Variants in CACNA1C observed in about 807,000 individuals in gnomAD.
CACNA1C encodes the protein calcium voltage-gated channel subunit alpha1 C.
A neutral mutation model predicts 229.0 loss-of-function variants in CACNA1C; 30 were observed. The ratio of observed to expected loss-of-function variants is 0.13; its 90% confidence interval spans 0.10 to 0.18. CACNA1C has a LOEUF of 0.18. Among genes scored for constraint, CACNA1C ranks in the 10% least tolerant of loss-of-function variants. The pLI is 1.00. For synonymous variants in CACNA1C, 1,114 were observed against 1,132.5 expected (o/e 0.98, Z 0.33); for missense variants, 1,658 against 2,845.0 (o/e 0.58, Z 9.49).
At chr12:1,992,774 T>C (rs763977475) in intron 1 of CACNA1C, 13 of 202,366 alleles carry the variant, frequency 6.4e-5, no homozygotes, top group Non-Finnish European at 1.3e-4. Context: ...GAAAGAAACT[T>C]TTTGGACTTT....
At position 2,666,582 on chromosome 12, in the gene CACNA1C, T is replaced by A. The variant is rs2153712689; in HGVS notation, c.4527-104T>A. On this transcript the variant is annotated intron_variant, in intron 36 of 46. Coordinates refer to ENST00000399655, the MANE Select transcript of CACNA1C (RefSeq NM_000719.7). This position sits in a 1 kb window ranked among gnomAD's most constrained non-coding sequence, Gnocchi z 5.3. Reference sequence around the variant, plus strand: ...AATAGGGCTACCACACTGTGCAGTGTTGCCCATATGAGTGGGCCCTACCCC... The same window carrying A: ...AATAGGGCTACCACACTGTGCAGTGATGCCCATATGAGTGGGCCCTACCCC... 3.0e-6 allele frequency: 2 copies of A among 670,872 alleles called. No homozygotes were observed. The highest frequency in any genetic ancestry group is 5.5e-5 in the East Asian group (2 of 36,648). 41.6% of individuals were successfully genotyped at this position (670,872 alleles called of 1,614,324 possible).
At position 2,692,620 on chromosome 12, in the gene CACNA1C, T is replaced by C. The variant is rs1284090851; in HGVS notation, c.*1421T>C. On this transcript the variant is annotated 3_prime_UTR_variant, in exon 47 of 47. Transcript: ENST00000399655. ...GCAAAAACAATGCAATAATATTCATTTAAAAATACAATTGTGAGTTGTGTT... is the reference window on the plus strand; with the variant it reads ...GCAAAAACAATGCAATAATATTCATCTAAAAATACAATTGTGAGTTGTGTT... 6.6e-6 allele frequency: 1 copy of C among 152,644 alleles called. No individual in the cohort carries two copies. Among genetic ancestry groups the C allele is most frequent in the Non-Finnish European group, 1.5e-5 (1 of 68,050 alleles). The allele number at this position is 152,644 out of a possible 1,614,324, so 9.5% of individuals were successfully genotyped here.
chr12:1,984,425 T>A (rs1352922227), intron 1 of CACNA1C, among the ~76,000 whole-genome samples: 1 of 152,098 alleles, frequency 6.6e-6, no homozygotes, highest in African/African-American at 2.4e-5. Context: ...AATATACATA[T>A]CTAACTTTAC....
intron 37 of CACNA1C, 172 bp from the exon 38 acceptor site, chr12:2,668,761 C>T (rs2096379788): frequency 1.7e-6 from 1 of 605,568 alleles, no homozygotes. Context: ...AGAAATCCAC[C>T]CCATGATGCA....
chr12:2,522,730 G>A (rs1357070666), intron 9 of CACNA1C, among the ~76,000 whole-genome samples: 1 of 152,104 alleles, frequency 6.6e-6, no homozygotes, highest in Non-Finnish European at 1.5e-5. Flanking sequence ...TGGGCTGGGG[G>A]GCAGAGGAAG....
intron 3 of CACNA1C, among the ~76,000 whole-genome samples, chr12:2,280,945 T>C (rs552226788): frequency 6.6e-6 from 1 of 152,380 alleles, no homozygotes; most frequent in East Asian, 1.9e-4. Context: ...TAACAGTTGC[T>C]GTAGGGCTCA....
intron 3 of CACNA1C, among the ~76,000 whole-genome samples, chr12:2,241,032 A>G (rs957768244): frequency 2.0e-5 from 3 of 152,118 alleles, no homozygotes; most frequent in Non-Finnish European, 4.4e-5. Context: ...ATGTTTCTCA[A>G]ATAATGCCAG....
At chr12:2,590,428 G>A (rs1601352684) in intron 18 of CACNA1C, among the ~76,000 whole-genome samples, 1 of 152,196 alleles carries the variant, frequency 6.6e-6, no homozygotes, top group Non-Finnish European at 1.5e-5. Flanking sequence ...GGGAGTAGGA[G>A]GCTAGGTGGT....
chr12:2,376,955 AG>A (rs1339594713), intron 3 of CACNA1C, among the ~76,000 whole-genome samples: 1 of 152,166 alleles, frequency 6.6e-6, no homozygotes, highest in Non-Finnish European at 1.5e-5. Flanking sequence ...GACCATGATC[AG>A]GCCTTTTCTG....
In CACNA1C at chr12:2,605,565, C is replaced by T. The variant is rs2074935925; in HGVS notation, c.3049-114C>T. 1.3e-6 allele frequency: 1 copy of T among 753,332 alleles called. No homozygotes were observed. The highest frequency in any genetic ancestry group is 1.7e-5 in the African/African-American group (1 of 57,670). 46.7% of individuals were successfully genotyped at this position (753,332 alleles called of 1,614,324 possible). A position where few individuals can be genotyped will look rare whatever the true frequency, so the allele number is the denominator to read the frequency against. ...GTGACTTTGGGAGCGTGGCTTTGCC[C>T]CTCTCAGCCCAATTACTCCCCGTTG... is the stretch of plus-strand genomic sequence containing the variant. On this transcript the variant is annotated intron_variant, in intron 23 of 46. Coordinates refer to ENST00000399655, the MANE Select transcript of CACNA1C (RefSeq NM_000719.7). The surrounding 1 kb of genome is among the most constrained non-coding windows in gnomAD (Gnocchi z 6.2).
At chr12:2,432,676 C>T (rs1471162247) in intron 3 of CACNA1C, among the ~76,000 whole-genome samples, 1 of 152,148 alleles carries the variant, frequency 6.6e-6, no homozygotes, top group African/African-American at 2.4e-5. Context: ...GTGCAATCTT[C>T]TTTTTAAAAA....
rs149912989 is a variant in CACNA1C at position 2,669,560 on chromosome 12, G to A, written c.4726+525G>A. Among the ~76,000 whole-genome samples, 603 of 152,312 alleles carry A rather than the reference G, an allele frequency of 4.0e-3. 2 individuals are homozygous for A. Among genetic ancestry groups the A allele is most frequent in the Middle Eastern group, 0.01 (3 of 294 alleles). On this transcript the variant is annotated intron_variant, in intron 38 of 46. Transcript: ENST00000399655. ...TATAGCTCACAAAACAGAAGGAGACGGGTGTTACCTGAAGCAGGACCAACC... is the reference window on the plus strand; with the variant it reads ...TATAGCTCACAAAACAGAAGGAGACAGGTGTTACCTGAAGCAGGACCAACC...
chr12:2,062,087 ACCTTGTTCT>A (rs2154517236), intron 1 of CACNA1C, among the ~76,000 whole-genome samples: 1 of 152,272 alleles, frequency 6.6e-6, no homozygotes, highest in Non-Finnish European at 1.5e-5. Flanking sequence ...ATTTGTTTGC[ACCTTGTTCT>A]ACCCCCAGCT....
rs2073252911 is a variant in CACNA1C, at chr12:2,602,651, TGTGTGTG to T, written c.2960+692_2960+698del. On this transcript the variant is annotated intron_variant, in intron 22 of 46. Coordinates refer to ENST00000399655, the MANE Select transcript of CACNA1C (RefSeq NM_000719.7). The surrounding 1 kb of genome is among the most constrained non-coding windows in gnomAD (Gnocchi z 4.4). ...TGTCTTGTGTGTGTGTGTGTGTGTG[TGTGTGTG>T]TGTGTGTGTGTGAGTTTTTCATTTC... Among the ~76,000 whole-genome samples, 1 of 151,570 alleles carries T rather than the reference TGTGTGTG, an allele frequency of 6.6e-6. No individual in the cohort carries two copies. Among genetic ancestry groups the T allele is most frequent in the Non-Finnish European group, 1.5e-5 (1 of 67,834 alleles).
intron 1 of CACNA1C, among the ~76,000 whole-genome samples, chr12:2,026,999 T>C (rs934269273): frequency 1.3e-5 from 2 of 152,196 alleles, no homozygotes; most frequent in Non-Finnish European, 2.9e-5. Flanking sequence ...AGTGGAGAAA[T>C]AGCTTTCTAA....
At chr12:2,223,574 C>T in intron 3 of CACNA1C, 1 of 152,178 alleles carries the variant, frequency 6.6e-6, no homozygotes, top group East Asian at 1.9e-4. Context: ...CCTACAGACC[C>T]ACCTGCTGAT....
chr12:2,485,475 G>A (rs1405788035), intron 5 of CACNA1C, among the ~76,000 whole-genome samples: 2 of 152,162 alleles, frequency 1.3e-5, no homozygotes, highest in Non-Finnish European at 2.9e-5. Flanking sequence ...AGACCTCACC[G>A]ACAACACCCA....
intron 1 of CACNA1C, among the ~76,000 whole-genome samples, chr12:2,041,270 CTT>C (rs58922699): frequency 8.8e-5 from 8 of 90,998 alleles, no homozygotes; most frequent in South Asian, 8.5e-4. Flanking sequence ...TAAGGGTATT[CTT>C]TTTTTTTTTT....
chr12:2,422,115 CCATT>C (rs1184367101), intron 3 of CACNA1C, among the ~76,000 whole-genome samples: 3 of 152,118 alleles, frequency 2.0e-5, no homozygotes, highest in Non-Finnish European at 4.4e-5. Flanking sequence ...AAAATGCGGC[CCATT>C]CAGTTTCCAA....
Sources: allele counts gnomAD v4.1 joint callset (sites outside exome capture counted in the v4.1 genomes callset), GRCh38; gene constraint gnomAD v4.1.1; non-coding constraint Gnocchi (gnomAD v3.1); transcripts MANE v1.5; gene names NCBI Gene and HGNC (gene_info 2026-07-23, HGNC 2026-07-21).